Variants in UGT1A10 observed in about 807,000 individuals in gnomAD.
The protein encoded by UGT1A10 is UDP glucuronosyltransferase family 1 member A10.
A neutral mutation model predicts 45.8 loss-of-function variants in UGT1A10; 49 were observed. That is an observed-to-expected ratio of 1.07 (90% confidence interval 0.85 to 1.36). The LOEUF is 1.36. Ranked by LOEUF, UGT1A10 falls within the 40% of genes most tolerant of loss-of-function variation. UGT1A10 has a pLI of 0.00. For synonymous variants in UGT1A10, 284 were observed against 249.7 expected, an observed-to-expected ratio of 1.14 and a Z score of -1.29; for missense variants, 745 against 668.6, an observed-to-expected ratio of 1.11 and a Z score of -1.26.
chr2:233,694,000 G>C, intron 1 of UGT1A10: 3 of 1,484,472 alleles, frequency 2.0e-6, no homozygotes, highest in Non-Finnish European at 2.7e-6. Context: ...TACCCGGCTC[G>C]GAGCAGCGGG....
At position 233,638,489 on chromosome 2, in the gene UGT1A10, TG is replaced by T. The variant is rs372232722; in HGVS notation, c.855+1113del. Among the ~76,000 whole-genome samples the T allele has an allele frequency of 1.1e-3, 165 of 152,324 alleles. 4 individuals carry two copies. In the South Asian group the frequency reaches 0.033, roughly 30 times the overall value. On this transcript the variant is annotated intron_variant, in intron 1 of 4. Coordinates refer to ENST00000344644, the MANE Select transcript of UGT1A10 (RefSeq NM_019075.4). ...GATATTTGTACTGCTTCTTTTGCTTTGCTGGAGCATATACTTCCAAAATATT... is the reference window on the plus strand; with the variant it reads ...GATATTTGTACTGCTTCTTTTGCTTTCTGGAGCATATACTTCCAAAATATT...
intron 1 of UGT1A10, among the ~76,000 whole-genome samples, chr2:233,688,405 C>T (rs1199234339): frequency 6.6e-6 from 1 of 152,148 alleles, no homozygotes; most frequent in Non-Finnish European, 1.5e-5. Context: ...TTCTAATTTT[C>T]GAGCCCATGT....
intron 1 of UGT1A10, among the ~76,000 whole-genome samples, chr2:233,698,608 C>T (rs2075450737): frequency 6.6e-6 from 1 of 152,158 alleles, no homozygotes; most frequent in African/African-American, 2.4e-5. Context: ...GATTAATAAA[C>T]AGTGGAATTC....
Position 233,772,687 on chromosome 2 carries a change from A to G in UGT1A10, c.*128A>G. 2 of 1,493,882 alleles carry G rather than the reference A, an allele frequency of 1.3e-6. No homozygotes were observed. Among genetic ancestry groups the G allele is most frequent in the South Asian group, 2.6e-5 (2 of 76,070 alleles). The allele number at this position is 1,493,882 out of a possible 1,614,324, so 92.5% of individuals were successfully genotyped here. On this transcript the variant is annotated 3_prime_UTR_variant, in exon 5 of 5. Coordinates refer to ENST00000344644, the MANE Select transcript of UGT1A10 (RefSeq NM_019075.4). ...TACTTTGCATAAATTAATCAGCCCC[A>G]GAGTGCTTTAAAAAATTCTCTTAAA...
intron 1 of UGT1A10, chr2:233,672,616 C>T (rs1179620404): frequency 4.3e-6 from 7 of 1,613,754 alleles, no homozygotes; most frequent in East Asian, 4.5e-5. Flanking sequence ...CAAAAATGCC[C>T]TAGAAATAGC....
intron 1 of UGT1A10, among the ~76,000 whole-genome samples, chr2:233,765,334 TAAC>T (rs1239541467): frequency 6.6e-6 from 1 of 152,144 alleles, no homozygotes; most frequent in African/African-American, 2.4e-5. Flanking sequence ...CTATTCACAA[TAAC>T]AAAGTCATGG....
chr2:233,713,370 T>A (rs1249114309), intron 1 of UGT1A10: 1 of 1,613,964 alleles, frequency 6.2e-7, no homozygotes, highest in Admixed American at 1.7e-5. Flanking sequence ...CATACATAGG[T>A]CTTGTGTGGA....
At chr2:233,666,425 T>C (rs906785086) in intron 1 of UGT1A10, among the ~76,000 whole-genome samples, 1 of 152,228 alleles carries the variant, frequency 6.6e-6, no homozygotes, top group Non-Finnish European at 1.5e-5. Context: ...AGTTTTAGTT[T>C]GATTACCCTA....
At chr2:233,743,149 A>G in intron 1 of UGT1A10, 1 of 356,554 alleles carries the variant, frequency 2.8e-6, no homozygotes, top group South Asian at 2.1e-5. Flanking sequence ...AAAGTCCGCT[A>G]TTCCTCCAGA....
chr2:233,679,545 C>CT (rs113272257), intron 1 of UGT1A10, among the ~76,000 whole-genome samples: 3 of 151,300 alleles, frequency 2.0e-5, no homozygotes, highest in African/African-American at 4.9e-5. Context: ...TTTGTGTCAT[C>CT]TTTTTTTTTG....
At chr2:233,689,481 A>G (rs2074946128) in intron 1 of UGT1A10, among the ~76,000 whole-genome samples, 1 of 152,240 alleles carries the variant, frequency 6.6e-6, no homozygotes, top group African/African-American at 2.4e-5. Context: ...TTACAAGAAG[A>G]AATCGCAAAT....
rs1299617457 is a variant in UGT1A10, at chr2:233,724,834, A to G, written c.856-42200A>G. On this transcript the variant is annotated intron_variant, in intron 1 of 4. Coordinates refer to ENST00000344644, the MANE Select transcript of UGT1A10 (RefSeq NM_019075.4). ...GAGGCTGCAATCTCGGCACTTTGGG[A>G]GGCCAAGGCAGGCGGCTGGGAGGTG... 3.0e-5 allele frequency among the ~76,000 whole-genome samples: 4 copies of G among 132,466 alleles called. 1 individual carries two copies. The highest frequency in any genetic ancestry group is 6.3e-5 in the Non-Finnish European group (4 of 63,510). 86.9% of individuals were successfully genotyped at this position (132,466 alleles called of 152,430 possible).
chr2:233,743,823 G>A, intron 1 of UGT1A10: 2 of 1,367,252 alleles, frequency 1.5e-6, no homozygotes, highest in Non-Finnish European at 2.0e-6. Flanking sequence ...TTTTTGTCGG[G>A]GTGCCACTTG....
intron 1 of UGT1A10, among the ~76,000 whole-genome samples, chr2:233,663,481 G>T (rs1195272391): frequency 6.6e-6 from 1 of 152,124 alleles, no homozygotes; most frequent in African/African-American, 2.4e-5. Context: ...ATTGATCTGG[G>T]TGGTGCCAGC....
At chr2:233,748,200 T>A (rs1186439065) in intron 1 of UGT1A10, 1 of 1,532,446 alleles carries the variant, frequency 6.5e-7, no homozygotes, top group Non-Finnish European at 8.8e-7. Flanking sequence ...CTGCTTGTCG[T>A]AATAGCCTTC....
At chr2:233,684,946 ATCTG>A (rs1416123749) in intron 1 of UGT1A10, among the ~76,000 whole-genome samples, 6 of 140,222 alleles carry the variant, frequency 4.3e-5, no homozygotes, top group Admixed American at 6.9e-5. Flanking sequence ...TCTGCATTTC[ATCTG>A]TCTGATGAAA....
chr2:233,754,958 A>G (rs750600568), intron 1 of UGT1A10: 19 of 1,315,144 alleles, frequency 1.4e-5, no homozygotes, highest in South Asian at 1.4e-4. Flanking sequence ...CCCGGCCGCC[A>G]AAGAACTCCC....
At chr2:233,691,495 G>A (rs1226751684) in intron 1 of UGT1A10, 1 of 985,646 alleles carries the variant, frequency 1.0e-6, no homozygotes, top group East Asian at 1.1e-4. Context: ...GGTGGGAACA[G>A]GAACTCGCGT....
At chr2:233,643,030 A>G (rs748681630) in intron 1 of UGT1A10, among the ~76,000 whole-genome samples, 20 of 152,290 alleles carry the variant, frequency 1.3e-4, no homozygotes, top group Non-Finnish European at 2.1e-4. Context: ...GTCTCACCCA[A>G]GGCCTGCTGT....
Sources: allele counts gnomAD v4.1 joint callset (sites outside exome capture counted in the v4.1 genomes callset), GRCh38; gene constraint gnomAD v4.1.1; transcripts MANE v1.5; gene names NCBI Gene and HGNC (gene_info 2026-07-23, HGNC 2026-07-21).